Variants in CYSLTR1 observed in about 807,000 individuals in gnomAD.
CYSLTR1 encodes the protein G-protein coupled receptor HG55.
In CYSLTR1, 1 loss-of-function variant was observed where a neutral mutation model predicts 2.1. That is an observed-to-expected ratio of 0.48 (90% CI 0.17 to 2.28). The LOEUF (loss-of-function observed/expected upper bound fraction) is 2.28, where lower values mean the gene tolerates loss of function less well. Among genes scored for constraint, CYSLTR1 ranks in the 30% most tolerant of loss-of-function variants. The pLI is 0.26. For missense variants in CYSLTR1, 299 were observed against 250.1 expected, an observed-to-expected ratio of 1.20 and a Z score of -1.32; for synonymous variants, 110 against 89.6, an observed-to-expected ratio of 1.23 and a Z score of -1.28.
intron 1 of CYSLTR1, among the ~76,000 whole-genome samples, chrX:78,309,431 A>T (rs1426864800): frequency 8.9e-6 from 1 of 111,888 alleles, no homozygotes; most frequent in Non-Finnish European, 1.9e-5. Flanking sequence ...AAATTCTTCC[A>T]GTAATTCCTG....
At chrX:78,277,208 G>A (rs186070230) in intron 2 of CYSLTR1, among the ~76,000 whole-genome samples, 1 of 110,945 alleles carries the variant, frequency 9.0e-6, no homozygotes, top group African/African-American at 3.3e-5. Context: ...GACAGAGTAG[G>A]GCTATCTTGC....
chrX:78,291,436 C>G (rs150218932), intron 1 of CYSLTR1, among the ~76,000 whole-genome samples: 2,208 of 108,884 alleles, frequency 0.02, 57 homozygotes, highest in African/African-American at 0.069. Flanking sequence ...TTTTTTTTGT[C>G]TCTCTGCCAG....
At chrX:78,321,294 GACCAT>G (rs777860943) in intron 1 of CYSLTR1, 1 of 109,496 alleles carries the variant, frequency 9.1e-6, no homozygotes, top group Non-Finnish European at 1.9e-5. Flanking sequence ...GAGTGCAGGG[GACCAT>G]GACTCATGGA....
intron 1 of CYSLTR1, among the ~76,000 whole-genome samples, chrX:78,295,961 A>AT (rs770097183): frequency 3.2e-4 from 35 of 110,169 alleles, no homozygotes; most frequent in African/African-American, 9.9e-4. Context: ...ATTACTCAAT[A>AT]TTTTTTTTGC....
intron 2 of CYSLTR1, among the ~76,000 whole-genome samples, chrX:78,283,198 A>G (rs959040140): frequency 1.8e-5 from 2 of 111,739 alleles, no homozygotes; most frequent in African/African-American, 6.5e-5. Context: ...TGGAAATATA[A>G]GATACTTAAG....
chrX:78,277,526 G>A (rs969741810), intron 2 of CYSLTR1, among the ~76,000 whole-genome samples: 1 of 111,619 alleles, frequency 9.0e-6, no homozygotes, highest in Non-Finnish European at 1.9e-5. Context: ...CTATTGATGT[G>A]TTGTTGTCAG....
At chrX:78,311,368 G>A (rs895998898) in intron 1 of CYSLTR1, among the ~76,000 whole-genome samples, 1 of 111,367 alleles carries the variant, frequency 9.0e-6, no homozygotes, top group African/African-American at 3.3e-5. Context: ...AGCACCCTGG[G>A]TGTAGGAGAG....
At chrX:78,299,730 A>T (rs927872357) in intron 1 of CYSLTR1, among the ~76,000 whole-genome samples, 1 of 110,591 alleles carries the variant, frequency 9.0e-6, no homozygotes, top group Non-Finnish European at 1.9e-5. Flanking sequence ...TCTATCTTTG[A>T]CCTCTGAAAA....
At chrX:78,281,269 A>AT (rs199904181) in intron 2 of CYSLTR1, among the ~76,000 whole-genome samples, 5,838 of 97,723 alleles carry the variant, frequency 0.06, 177 homozygotes, top group Non-Finnish European at 0.085. Flanking sequence ...TTATGTTTTA[A>AT]TTTTTTTTTT....
intron 1 of CYSLTR1, among the ~76,000 whole-genome samples, chrX:78,291,495 T>G (rs977671656): frequency 8.1e-5 from 9 of 111,434 alleles, no homozygotes; most frequent in Non-Finnish European, 1.7e-4. Context: ...TTAGGGAGGA[T>G]TCCCTCTTTT....
Position 78,314,059 on chromosome X carries a change from C to A in CYSLTR1, c.-115+13246G>T, listed in dbSNP as rs767473846. On this transcript the variant is annotated intron_variant, in intron 1 of 2. Transcript: ENST00000373304. ...GCAGCACACTTTTGATGAGAAAGAC[C>A]AAGGTTAGCTTAAGGCAAGGACACG... Among the ~76,000 whole-genome samples, 96 of 111,431 alleles carry A rather than the reference C, an allele frequency of 8.6e-4. 1 individual carries two copies. Among genetic ancestry groups the A allele is most frequent in the Non-Finnish European group, 1.3e-3 (71 of 53,003 alleles).
In CYSLTR1 at chrX:78,279,963, G is replaced by T. The variant is rs548966241; in HGVS notation, c.-28+3491C>A. Reference sequence around the variant, plus strand: ...ACTACCATAGGAGGTAGGGTGGAAGGGAGAGGATTGTGGGCTGAAAAACTA... The same window carrying T: ...ACTACCATAGGAGGTAGGGTGGAAGTGAGAGGATTGTGGGCTGAAAAACTA... On this transcript the variant is annotated intron_variant, in intron 2 of 2. Coordinates refer to ENST00000373304, the MANE Select transcript of CYSLTR1 (RefSeq NM_006639.4). Among the ~76,000 whole-genome samples the T allele has an allele frequency of 1.2e-4, 13 of 110,949 alleles. No homozygotes were observed. The South Asian group carries it at 4.6e-3, about 40-fold the overall frequency.
intron 2 of CYSLTR1, among the ~76,000 whole-genome samples, chrX:78,280,533 G>A (rs750916145): frequency 3.8e-4 from 40 of 106,146 alleles, no homozygotes; most frequent in Middle Eastern, 9.5e-3. Flanking sequence ...GTTGGGGGGG[G>A]GGTAAGAATG....
At chrX:78,315,498 T>A (rs185761654) in intron 1 of CYSLTR1, among the ~76,000 whole-genome samples, 66 of 111,278 alleles carry the variant, frequency 5.9e-4, no homozygotes, top group African/African-American at 2.1e-3. Context: ...GGCATTTCTG[T>A]ATGTTTCTTG....
At chrX:78,295,528 C>T (rs1009848577) in intron 1 of CYSLTR1, among the ~76,000 whole-genome samples, 6 of 110,823 alleles carry the variant, frequency 5.4e-5, no homozygotes, top group African/African-American at 2.0e-4. Flanking sequence ...TAAGACATTC[C>T]TTTTCTTCAC....
chrX:78,277,616 C>G (rs1390659888), intron 2 of CYSLTR1, among the ~76,000 whole-genome samples: 1 of 111,233 alleles, frequency 9.0e-6, no homozygotes, highest in African/African-American at 3.3e-5. Context: ...TGGGCCTGGT[C>G]CCAGCCCACC....
At chrX:78,314,642 G>A (rs921476661) in intron 1 of CYSLTR1, among the ~76,000 whole-genome samples, 1 of 111,123 alleles carries the variant, frequency 9.0e-6, no homozygotes, top group Non-Finnish European at 1.9e-5. Flanking sequence ...GTGAGGCATT[G>A]AACTCAGTGC....
chrX:78,310,289 C>T (rs1477217333), intron 1 of CYSLTR1, among the ~76,000 whole-genome samples: 2 of 111,866 alleles, frequency 1.8e-5, no homozygotes, highest in Non-Finnish European at 3.8e-5. Context: ...AGCTCCATCT[C>T]TCCTTTTGTC....
At chrX:78,295,372 T>C (rs1603410663) in intron 1 of CYSLTR1, among the ~76,000 whole-genome samples, 1 of 13,357 alleles carries the variant, frequency 7.5e-5, no homozygotes, top group African/African-American at 2.0e-4. Flanking sequence ...CTGATTTCCT[T>C]TTTTTTTTTT....
Sources: allele counts gnomAD v4.1 joint callset (sites outside exome capture counted in the v4.1 genomes callset), GRCh38; gene constraint gnomAD v4.1.1; transcripts MANE v1.5; gene names NCBI Gene and HGNC (gene_info 2026-07-23, HGNC 2026-07-21).